Variants in NPFFR2 observed in about 807,000 individuals in gnomAD.
NPFFR2 encodes the protein G-protein coupled receptor 74.
In NPFFR2, 15 loss-of-function variants were observed where a neutral mutation model predicts 13.1. That is an observed-to-expected ratio of 1.15 (90% CI 0.77 to 1.76). The LOEUF is 1.76. Ranked by LOEUF, NPFFR2 falls within the 40% of genes most tolerant of loss-of-function variation. The probability of loss-of-function intolerance (pLI) is 0.00; values close to 1 mark genes in which losing one functional copy is unlikely to be tolerated. For synonymous variants in NPFFR2, 190 were observed against 175.7 expected, an observed-to-expected ratio of 1.08 and a Z score of -0.65; for missense variants, 572 against 503.5, an observed-to-expected ratio of 1.14 and a Z score of -1.30.
Position 72,134,770 on chromosome 4 carries a change from C to T in NPFFR2, c.329-3270C>T, listed in dbSNP as rs970552733. ...GTATCTATAAATATACGTGCAGGTA[C>T]GTTTCCCGGTGTTTTCTGTTCTCTT... On this transcript the variant is annotated intron_variant, in intron 2 of 3. Coordinates refer to ENST00000308744, the MANE Select transcript of NPFFR2 (RefSeq NM_004885.3). Among the ~76,000 whole-genome samples, 4 of 152,026 alleles carry T rather than the reference C, an allele frequency of 2.6e-5. 1 individual carries two copies. Among genetic ancestry groups the T allele is most frequent in the Non-Finnish European group, 4.4e-5 (3 of 68,016 alleles).
chr4:72,057,770 A>G (rs1578427213), intron 1 of NPFFR2, among the ~76,000 whole-genome samples: 1 of 152,004 alleles, frequency 6.6e-6, no homozygotes, highest in Non-Finnish European at 1.5e-5. Flanking sequence ...CCAAGGGAAA[A>G]GTAGATACTC....
At chr4:72,051,145 G>A (rs1315660283) in intron 1 of NPFFR2, among the ~76,000 whole-genome samples, 1 of 151,762 alleles carries the variant, frequency 6.6e-6, no homozygotes, top group South Asian at 2.1e-4. Flanking sequence ...GGATGGCTGG[G>A]TCAAATGGTA....
chr4:72,042,812 G>A (rs766901254), intron 1 of NPFFR2, among the ~76,000 whole-genome samples: 35 of 152,310 alleles, frequency 2.3e-4, no homozygotes, highest in Admixed American at 1.3e-3. Flanking sequence ...TGTGCAGGCT[G>A]ATTATGAAGT....
At chr4:72,137,613 G>A (rs1722457032) in intron 2 of NPFFR2, among the ~76,000 whole-genome samples, 1 of 151,982 alleles carries the variant, frequency 6.6e-6, no homozygotes, top group Non-Finnish European at 1.5e-5. Context: ...TCATTTAAAG[G>A]GCATTATTGC....
chr4:72,082,854 A>G (rs201558148), intron 1 of NPFFR2, among the ~76,000 whole-genome samples: 6 of 151,972 alleles, frequency 3.9e-5, no homozygotes, highest in Admixed American at 3.3e-4. Flanking sequence ...CTATTTTCCA[A>G]TCTACCTCTC....
At chr4:72,140,470 G>T (rs1049359931) in intron 3 of NPFFR2, among the ~76,000 whole-genome samples, 4 of 152,094 alleles carry the variant, frequency 2.6e-5, no homozygotes, top group African/African-American at 4.8e-5. Context: ...TAGCATGAAG[G>T]GCTGTTGAAT....
chr4:72,141,025 A>G (rs1722599094), intron 3 of NPFFR2, among the ~76,000 whole-genome samples: 1 of 152,016 alleles, frequency 6.6e-6, no homozygotes, highest in Admixed American at 6.6e-5. Context: ...CATTTCTTTT[A>G]GATTTTCTAG....
chr4:72,035,500 C>G (rs1321858117), intron 1 of NPFFR2, among the ~76,000 whole-genome samples: 1 of 151,820 alleles, frequency 6.6e-6, no homozygotes, highest in Non-Finnish European at 1.5e-5. Context: ...TAGTTTAGCC[C>G]CCCCTAAAAA....
At chr4:72,077,055 C>T (rs193221890) in intron 1 of NPFFR2, among the ~76,000 whole-genome samples, 250 of 152,188 alleles carry the variant, frequency 1.6e-3, no homozygotes, top group African/African-American at 5.6e-3. Context: ...TGCTACTCCC[C>T]TTATCAGTTA....
At chr4:72,100,161 A>G (rs1471647485) in intron 1 of NPFFR2, among the ~76,000 whole-genome samples, 1 of 152,188 alleles carries the variant, frequency 6.6e-6, no homozygotes, top group African/African-American at 2.4e-5. Flanking sequence ...AAAGATGACT[A>G]TAAGAAGTAC....
intron 1 of NPFFR2, among the ~76,000 whole-genome samples, chr4:72,127,303 CAAAAAAAAAAAAAAA>C (rs772559589): frequency 4.4e-4 from 5 of 11,424 alleles, no homozygotes; most frequent in Non-Finnish European, 7.3e-4. Context: ...GACTCCATCT[CAAAAAAAAAAAAAAA>C]AAAAAAAAAA....
At position 72,042,665 on chromosome 4, in the gene NPFFR2, A is replaced by T. The variant is rs563041553; in HGVS notation, c.-8+10465A>T. ...GTAACTCTTGTATGCTTTAGCAAAG[A>T]GTCTGGAGGCATTTTGCCCCTTTCC... On this transcript the variant is annotated intron_variant, in intron 1 of 3. Coordinates refer to ENST00000308744, the MANE Select transcript of NPFFR2 (RefSeq NM_004885.3). Among the ~76,000 whole-genome samples the T allele has an allele frequency of 4.6e-5, 7 of 152,276 alleles. No individual in the cohort carries two copies. In the East Asian group the frequency reaches 7.7e-4, roughly 17 times the overall value.
chr4:72,038,261 A>C (rs1719095126), intron 1 of NPFFR2, among the ~76,000 whole-genome samples: 1 of 152,158 alleles, frequency 6.6e-6, no homozygotes, highest in African/African-American at 2.4e-5. Flanking sequence ...GTCAAAGCCC[A>C]CTTGCTAGTT....
At chr4:72,064,191 A>G (rs1173291433) in intron 1 of NPFFR2, among the ~76,000 whole-genome samples, 1 of 152,218 alleles carries the variant, frequency 6.6e-6, no homozygotes, top group African/African-American at 2.4e-5. Flanking sequence ...CTTAAAAACA[A>G]CAATATTAAT....
chr4:72,081,767 A>G (rs1720630504), intron 1 of NPFFR2, among the ~76,000 whole-genome samples: 1 of 152,166 alleles, frequency 6.6e-6, no homozygotes, highest in Admixed American at 6.5e-5. Flanking sequence ...CTAGGATTAC[A>G]GGCATGAGCC....
chr4:72,101,394 A>G (rs1578455580), intron 1 of NPFFR2, among the ~76,000 whole-genome samples: 1 of 151,840 alleles, frequency 6.6e-6, no homozygotes, highest in African/African-American at 2.4e-5. Context: ...ACAATTATTT[A>G]TATGTTTTTT....
At chr4:72,094,529 T>TG (rs997238545) in intron 1 of NPFFR2, among the ~76,000 whole-genome samples, 4 of 152,044 alleles carry the variant, frequency 2.6e-5, no homozygotes, top group African/African-American at 9.7e-5. Context: ...GCAGCTGCTG[T>TG]GGGGGATGAG....
Position 72,049,854 on chromosome 4 carries a change from C to G in NPFFR2, c.-8+17654C>G, listed in dbSNP as rs535289189. 8.2e-4 allele frequency among the ~76,000 whole-genome samples: 125 copies of G among 152,102 alleles called. 1 individual carries two copies. The highest frequency in any genetic ancestry group is 1.4e-3 in the Non-Finnish European group (96 of 67,966). ...ATGTAATTGGTTTTTGTTCCTAGCTCTTGAAATGCTTCTAAAAATGTGAAA... is the reference window on the plus strand; with the variant it reads ...ATGTAATTGGTTTTTGTTCCTAGCTGTTGAAATGCTTCTAAAAATGTGAAA... On this transcript the variant is annotated intron_variant, in intron 1 of 3. Transcript: ENST00000308744.
rs201200272 is a variant in NPFFR2, at chr4:72,100,272, T to TA, written c.-7-28305dup. On this transcript the variant is annotated intron_variant, in intron 1 of 3. Transcript: ENST00000308744. ...GGCTAAGACAAGAACTCAAGAATTGTAAAAAAAACTGTATAGGTTTTGGAT... is the reference window on the plus strand; with the variant it reads ...GGCTAAGACAAGAACTCAAGAATTGTAAAAAAAAACTGTATAGGTTTTGGAT... 5.8e-3 allele frequency among the ~76,000 whole-genome samples: 881 copies of TA among 151,972 alleles called. 7 individuals are homozygous for TA. Among genetic ancestry groups the TA allele is most frequent in the African/African-American group, 0.019 (802 of 41,494 alleles).
Sources: allele counts gnomAD v4.1 joint callset (sites outside exome capture counted in the v4.1 genomes callset), GRCh38; gene constraint gnomAD v4.1.1; transcripts MANE v1.5; gene names NCBI Gene and HGNC (gene_info 2026-07-23, HGNC 2026-07-21).